The following AKAP6 variants were observed in gnomAD, a reference collection of about 807,000 sequenced individuals.
The protein encoded by AKAP6 is A-kinase anchoring protein 6, also known as A-kinase anchor protein 6.
AKAP6 carries 58 observed loss-of-function variants against 188.5 expected under a neutral mutation model. That is an observed-to-expected ratio of 0.31 (90% CI 0.25 to 0.38). AKAP6 has a LOEUF of 0.38. AKAP6 is among the 10% of genes least tolerant of loss of function. The probability of loss-of-function intolerance (pLI) is 1.00; values close to 1 mark genes in which losing one functional copy is unlikely to be tolerated. For missense variants in AKAP6, 2,710 were observed against 2,740.0 expected (o/e 0.99, Z 0.24); for synonymous variants, 989 against 998.6 (o/e 0.99, Z 0.18).
At chr14:32,394,786 G>T (rs1261450480) in intron 1 of AKAP6, among the ~76,000 whole-genome samples, 1 of 152,148 alleles carries the variant, frequency 6.6e-6, no homozygotes, top group Admixed American at 6.6e-5. Context: ...CATTAAGATG[G>T]AGAAGTAGTT....
chr14:32,508,497 C>T (rs111745332), intron 2 of AKAP6, among the ~76,000 whole-genome samples: 61 of 152,292 alleles, frequency 4.0e-4, no homozygotes, highest in African/African-American at 1.4e-3. Flanking sequence ...GTGGAACTTA[C>T]ATTCTAACAA....
intron 1 of AKAP6, among the ~76,000 whole-genome samples, chr14:32,405,603 C>G (rs1889262721): frequency 6.6e-6 from 1 of 152,150 alleles, no homozygotes; most frequent in South Asian, 2.1e-4. Context: ...AAAATCTCAT[C>G]TTGAATTATA....
At chr14:32,388,020 G>C (rs763715956) in intron 1 of AKAP6, among the ~76,000 whole-genome samples, 3 of 151,606 alleles carry the variant, frequency 2.0e-5, no homozygotes, top group African/African-American at 7.3e-5. Context: ...TTTCAATCTC[G>C]CTGCTTGTTA....
chr14:32,593,423 A>C (rs1027030995), intron 5 of AKAP6, among the ~76,000 whole-genome samples: 11 of 152,198 alleles, frequency 7.2e-5, no homozygotes, highest in African/African-American at 2.7e-4. Flanking sequence ...TGCTCTTCAC[A>C]GAGCTCTTAA....
chr14:32,453,995 C>T (rs552476208), intron 2 of AKAP6, among the ~76,000 whole-genome samples: 1 of 152,308 alleles, frequency 6.6e-6, no homozygotes, highest in East Asian at 1.9e-4. Flanking sequence ...GTAAAGCTCT[C>T]AGAGTCTGTC....
intron 1 of AKAP6, among the ~76,000 whole-genome samples, chr14:32,415,547 A>T (rs964841479): frequency 6.6e-6 from 1 of 152,168 alleles, no homozygotes; most frequent in African/African-American, 2.4e-5. Context: ...CATAAAATTT[A>T]TTACCTTAGC....
chr14:32,522,319 A>G (rs2139064407), intron 2 of AKAP6, among the ~76,000 whole-genome samples: 1 of 152,346 alleles, frequency 6.6e-6, no homozygotes, highest in African/African-American at 2.4e-5. Flanking sequence ...AATGGCAACA[A>G]AAGCCAAAAT....
intron 7 of AKAP6, among the ~76,000 whole-genome samples, chr14:32,617,546 T>C (rs1320821014): frequency 6.6e-6 from 1 of 152,264 alleles, no homozygotes; most frequent in East Asian, 1.9e-4. Context: ...CCTCAAAGAC[T>C]ATTCTTGAAC....
At chr14:32,485,664 G>GT (rs142054754) in intron 2 of AKAP6, among the ~76,000 whole-genome samples, 1 of 151,730 alleles carries the variant, frequency 6.6e-6, no homozygotes. Flanking sequence ...GGGGTTGTTT[G>GT]TTTTTTTTCT....
At chr14:32,754,795 T>C (rs2032270479) in intron 11 of AKAP6, among the ~76,000 whole-genome samples, 1 of 152,174 alleles carries the variant, frequency 6.6e-6, no homozygotes, top group Admixed American at 6.5e-5. Context: ...GAATACTTTC[T>C]TTTCCTTTAG....
intron 2 of AKAP6, chr14:32,474,326 A>G (rs2138871930): frequency 6.6e-6 from 1 of 152,328 alleles, no homozygotes; most frequent in Non-Finnish European, 1.5e-5. Context: ...ACAAGGAATA[A>G]ATATCTTCTC....
intron 12 of AKAP6, among the ~76,000 whole-genome samples, chr14:32,789,029 C>G (rs959450215): frequency 1.3e-5 from 2 of 152,208 alleles, no homozygotes; most frequent in African/African-American, 4.8e-5. Flanking sequence ...GCCATTCCAG[C>G]CTGCCACCTT....
chr14:32,691,401 ATCACT>A (rs1238202569), intron 8 of AKAP6, among the ~76,000 whole-genome samples: 1 of 152,176 alleles, frequency 6.6e-6, no homozygotes, highest in Non-Finnish European at 1.5e-5. Flanking sequence ...CTTTTATAAA[ATCACT>A]CAAAAAACAC....
chr14:32,683,390 G>A (rs1438391831), intron 8 of AKAP6, among the ~76,000 whole-genome samples: 4 of 152,152 alleles, frequency 2.6e-5, no homozygotes, highest in Non-Finnish European at 5.9e-5. Context: ...GAGACTAGAT[G>A]GAGACTGAAG....
intron 9 of AKAP6, among the ~76,000 whole-genome samples, chr14:32,725,942 T>A (rs2030850290): frequency 6.6e-6 from 1 of 152,134 alleles, no homozygotes; most frequent in African/African-American, 2.4e-5. Flanking sequence ...CAATGTCCCC[T>A]TTACAGGCTT....
intron 7 of AKAP6, among the ~76,000 whole-genome samples, chr14:32,633,769 G>A (rs1887374773): frequency 2.6e-5 from 4 of 152,182 alleles, no homozygotes; most frequent in South Asian, 2.1e-4. Flanking sequence ...TAACATTGGA[G>A]GGTTGTTACT....
In AKAP6 at chr14:32,540,034, T is replaced by G. The variant is rs76865662; in HGVS notation, c.576+4229T>G. Among the ~76,000 whole-genome samples, 724 of 151,270 alleles carry G rather than the reference T, an allele frequency of 4.8e-3. 4 individuals are homozygous for G. Among genetic ancestry groups the G allele is most frequent in the East Asian group, 0.013 (65 of 5,126 alleles). On this transcript the variant is annotated intron_variant, in intron 3 of 13. Transcript: ENST00000280979. ...ACAAAAAGAAAGATCTAAGAAGGCA[T>G]TTGGAACTAGGCTTCAGTTAATTAT...
chr14:32,775,775 C>T (rs1231236849), intron 12 of AKAP6, among the ~76,000 whole-genome samples: 1 of 152,044 alleles, frequency 6.6e-6, no homozygotes, highest in African/African-American at 2.4e-5. Context: ...TTTGAGGCAA[C>T]CCTGGCTGCT....
chr14:32,542,070 C>A (rs1158839543), intron 3 of AKAP6, among the ~76,000 whole-genome samples: 1 of 152,144 alleles, frequency 6.6e-6, no homozygotes, highest in Non-Finnish European at 1.5e-5. Flanking sequence ...TATTACATAT[C>A]TTACATATAT....
Sources: gnomAD v4.1 joint callset for allele counts (sites outside exome capture counted in the v4.1 genomes callset) on GRCh38, gnomAD v4.1.1 for gene constraint, MANE v1.5 for transcripts, NCBI Gene and HGNC (gene_info 2026-07-23, HGNC 2026-07-21) for gene names.